Variants in MEDAG observed in about 807,000 individuals in gnomAD.
MEDAG encodes mesenteric estrogen-dependent adipogenesis protein.
A neutral mutation model predicts 29.9 loss-of-function variants in MEDAG; 25 were observed. The ratio of observed to expected loss-of-function variants is 0.84; its 90% confidence interval spans 0.61 to 1.17. The LOEUF (loss-of-function observed/expected upper bound fraction) is 1.17, where lower values mean the gene tolerates loss of function less well. Among genes scored for constraint, MEDAG ranks in the 50% most tolerant of loss-of-function variants. The probability of loss-of-function intolerance (pLI) is 0.00; values close to 1 mark genes in which losing one functional copy is unlikely to be tolerated. For synonymous variants in MEDAG, 158 were observed against 148.2 expected (o/e 1.07, Z -0.48); for missense variants, 398 against 372.9 (o/e 1.07, Z -0.56).
At chr13:30,915,718 G>A (rs561721384) in intron 1 of MEDAG, among the ~76,000 whole-genome samples, 1 of 152,134 alleles carries the variant, frequency 6.6e-6, no homozygotes, top group East Asian at 1.9e-4. Flanking sequence ...GCCCAGGTGA[G>A]GATGAGGGCA....
chr13:30,910,063 A>G (rs949371239), intron 1 of MEDAG, among the ~76,000 whole-genome samples: 1 of 152,106 alleles, frequency 6.6e-6, no homozygotes, highest in Non-Finnish European at 1.5e-5. Context: ...ATTTTCTTTC[A>G]AGATCAGGAT....
rs1201092859 is a variant in MEDAG at position 30,908,293 on chromosome 13, AG to A, written c.278+1503del. ...CCACAGTGACCAGGTAACACAGACC[AG>A]GGTGCAAATACAAAACAACAAATAA... On this transcript the variant is annotated intron_variant, in intron 1 of 4. Transcript: ENST00000380482. 2.6e-5 allele frequency among the ~76,000 whole-genome samples: 4 copies of A among 152,256 alleles called. No homozygotes were observed. The South Asian group carries it at 8.3e-4, about 31-fold the overall frequency.
chr13:30,911,283 G>T (rs1018520103), intron 1 of MEDAG, among the ~76,000 whole-genome samples: 1 of 152,152 alleles, frequency 6.6e-6, no homozygotes, highest in Non-Finnish European at 1.5e-5. Flanking sequence ...TAAAACACTA[G>T]CTGAGGTCAC....
intron 1 of MEDAG, chr13:30,916,555 C>T (rs1400938002): frequency 6.6e-6 from 1 of 152,270 alleles, no homozygotes. Context: ...GCAGACGCAT[C>T]CTTCAGCCTG....
In MEDAG at chr13:30,906,316, T is replaced by G; in HGVS notation, c.-200T>G. The G allele has an allele frequency of 6.8e-6, 3 of 438,648 alleles. No individual in the cohort carries two copies. The highest frequency in any genetic ancestry group is 3.8e-6 in the Non-Finnish European group (1 of 261,036). The allele number at this position is 438,648 out of a possible 1,614,324, so 27.2% of individuals were successfully genotyped here. A position where few individuals can be genotyped will look rare whatever the true frequency, so the allele number is the denominator to read the frequency against. On this transcript the variant is annotated 5_prime_UTR_variant, in exon 1 of 5. Transcript: ENST00000380482. ...GCAGGGCTCCCAGCGAGTGGCAGCT[T>G]GGGAGGGGCCGCCCGGGCGGTCAGA...
rs1206300565 is a variant in MEDAG, at chr13:30,921,739, C to G, written c.680C>G (p.Thr227Arg). Residue 227 changes from threonine to arginine, a missense_variant, in exon 4 of 5, where the codon ACA (threonine) becomes AGA (arginine). Transcript: ENST00000380482. ...GGAAAAGTTCTGAATTTGTCAAGTA[C>G]AAGTCCAGAAAAGAAGGAGACGATT... is the stretch of plus-strand genomic sequence containing the variant. ...VNGKVLNLSS[T>R]SPEKKETIKL... The G allele has an allele frequency of 6.2e-7, 1 of 1,614,008 alleles. No individual in the cohort carries two copies. The highest frequency in any genetic ancestry group is 1.3e-5 in the African/African-American group (1 of 75,022).
chr13:30,923,534 GT>G lies in MEDAG; in HGVS notation c.788-775del, dbSNP rs200718464. ...TTGTTTCAGCTTTCTCTGCCTGGGA[GT>G]TCCTCACAAAGATGTGTTTGTGCTC... On this transcript the variant is annotated intron_variant, in intron 4 of 4. Coordinates refer to ENST00000380482, the MANE Select transcript of MEDAG (RefSeq NM_032849.4). Among the ~76,000 whole-genome samples, 117 of 152,164 alleles carry G rather than the reference GT, an allele frequency of 7.7e-4. 1 individual carries two copies. The highest frequency in any genetic ancestry group is 6.6e-3 in the East Asian group (34 of 5,162).
intron 1 of MEDAG, among the ~76,000 whole-genome samples, chr13:30,914,578 ATG>A (rs2138120014): frequency 6.6e-6 from 1 of 152,352 alleles, no homozygotes; most frequent in East Asian, 1.9e-4. Flanking sequence ...TGGATAGCTC[ATG>A]TGTAGGTCAT....
intron 1 of MEDAG, among the ~76,000 whole-genome samples, chr13:30,915,549 T>G (rs191156706): frequency 6.6e-5 from 10 of 152,286 alleles, no homozygotes; most frequent in Admixed American, 2.0e-4. Flanking sequence ...TTCTTTTTCC[T>G]GCCTTCTCCT....
At chr13:30,920,644 C>T (rs1952974473) in intron 2 of MEDAG, among the ~76,000 whole-genome samples, 1 of 151,954 alleles carries the variant, frequency 6.6e-6, no homozygotes, top group Non-Finnish European at 1.5e-5. Flanking sequence ...TGAAAACCAG[C>T]TATCTCGATC....
chr13:30,921,896 T>TAG (rs1310204657), intron 4 of MEDAG, 50 bp downstream of exon 4: 1 of 1,515,688 alleles, frequency 6.6e-7, no homozygotes, highest in Non-Finnish European at 8.8e-7. Flanking sequence ...AATAAAAGGG[T>TAG]AGAGTAAAAT....
Position 30,921,681 on chromosome 13 carries a change from T to C in MEDAG, c.622T>C (p.Phe208Leu), listed in dbSNP as rs1186357568. Residue 208 changes from phenylalanine to leucine, a missense_variant, in exon 4 of 5, where the codon TTT becomes CTT. By Grantham distance (22) the Phe-to-Leu change is conservative. Coordinates refer to ENST00000380482, the MANE Select transcript of MEDAG (RefSeq NM_032849.4). The stretch of plus-strand genomic sequence containing the variant: ...TGCATTATTTGATTTCTTCTATTGG[T>C]TTGGGCTCAGTAATTCCGTTGTAAA... ...ADALFDFFYW[F>L]GLSNSVVKVN... 11 of 1,614,002 alleles carry C rather than the reference T, an allele frequency of 6.8e-6. No homozygotes were observed. The Admixed American group carries it at 1.0e-4, about 15-fold the overall frequency.
At chr13:30,916,571 G>A (rs1374237028) in intron 1 of MEDAG, 2 of 152,278 alleles carry the variant, frequency 1.3e-5, no homozygotes, top group East Asian at 3.8e-4. Context: ...GCCTGCTGGG[G>A]GCCATTCAGC....
intron 3 of MEDAG, 126 bp downstream of exon 3, chr13:30,921,252 C>A: frequency 1.3e-6 from 1 of 753,516 alleles, no homozygotes; most frequent in Non-Finnish European, 2.1e-6. Context: ...AAACAAAGTG[C>A]ATTCAGACAC....
intron 1 of MEDAG, 77 bp downstream of exon 1, chr13:30,906,870 G>A: frequency 7.3e-7 from 1 of 1,365,728 alleles, no homozygotes; most frequent in Non-Finnish European, 9.5e-7. Flanking sequence ...GTCTCTGGGA[G>A]CCTGGGCTGT....
chr13:30,921,819 G>A lies in MEDAG; in HGVS notation c.760G>A (p.Asp254Asn), dbSNP rs768660202. Residue 254 changes from aspartate (D) to asparagine (N), a missense_variant, in exon 4 of 5, where the codon GAC (aspartate) becomes AAC (asparagine). Coordinates refer to ENST00000380482, the MANE Select transcript of MEDAG (RefSeq NM_032849.4). Reference sequence around the variant, plus strand: ...TTTAATCCGAAGGAGCAGTTTCTCTGACCGAAAGTTCAGTGTAACTTCCAG... The same window carrying A: ...TTTAATCCGAAGGAGCAGTTTCTCTAACCGAAAGTTCAGTGTAACTTCCAG... ...EPLIRRSSFS[D>N]RKFSVTSRGS... 6.2e-7 allele frequency: 1 copy of A among 1,609,142 alleles called. No individual in the cohort carries two copies. The highest frequency in any genetic ancestry group is 8.5e-7 in the Non-Finnish European group (1 of 1,178,478).
intron 1 of MEDAG, among the ~76,000 whole-genome samples, chr13:30,910,201 C>CACACAT (rs1394744029): frequency 6.6e-6 from 1 of 151,720 alleles, no homozygotes; most frequent in East Asian, 1.9e-4. Context: ...CAAACACACA[C>CACACAT]ACACACACAC....
chr13:30,907,061 G>A (rs1365973852), intron 1 of MEDAG, among the ~76,000 whole-genome samples: 4 of 152,250 alleles, frequency 2.6e-5, no homozygotes, highest in Admixed American at 1.3e-4. Flanking sequence ...GGGGAGGGCA[G>A]GGGCCCCCCA....
chr13:30,924,542 A>G lies in MEDAG; in HGVS notation c.*107A>G, dbSNP rs1157930482. On this transcript the variant is annotated 3_prime_UTR_variant, in exon 5 of 5. Transcript: ENST00000380482. ...GGCAGATACTTCCACCTGCGTGTCA[A>G]TCTCCGGCTCCTCCATGGCTTCTAT... 11 of 1,183,726 alleles carry G rather than the reference A, an allele frequency of 9.3e-6. No homozygotes were observed. Among genetic ancestry groups the G allele is most frequent in the East Asian group, 2.5e-5 (1 of 40,244 alleles). 73.3% of individuals were successfully genotyped at this position (1,183,726 alleles called of 1,614,324 possible). A position where few individuals can be genotyped will look rare whatever the true frequency, so the allele number is the denominator to read the frequency against.
Sources: gnomAD v4.1 joint callset for allele counts (sites outside exome capture counted in the v4.1 genomes callset) on GRCh38, gnomAD v4.1.1 for gene constraint, MANE v1.5 for transcripts, NCBI Gene and HGNC (gene_info 2026-07-23, HGNC 2026-07-21) for gene names.